EXT1: variants seen among roughly 807,000 people sequenced by gnomAD.
The protein encoded by EXT1 is exostosin-1.
EXT1 carries 20 observed loss-of-function variants against 82.5 expected under a neutral mutation model. That is an observed-to-expected ratio of 0.24 (90% CI 0.17 to 0.35). EXT1 has a LOEUF of 0.35. Ranked by LOEUF, EXT1 falls within the 10% of genes least tolerant of loss-of-function variation. The probability of loss-of-function intolerance (pLI) is 1.00; values close to 1 mark genes in which losing one functional copy is unlikely to be tolerated. For synonymous variants in EXT1, 348 were observed against 350.8 expected (o/e 0.99, Z 0.09); for missense variants, 757 against 936.5 (o/e 0.81, Z 2.50).
At chr8:117,961,764 G>C (rs889026610) in intron 1 of EXT1, among the ~76,000 whole-genome samples, 1 of 152,200 alleles carries the variant, frequency 6.6e-6, no homozygotes, top group Non-Finnish European at 1.5e-5. Flanking sequence ...AACTTCAGGT[G>C]CTTACAACAT....
chr8:117,935,107 T>A (rs1399391069), intron 1 of EXT1, among the ~76,000 whole-genome samples: 1 of 152,102 alleles, frequency 6.6e-6, no homozygotes, highest in Non-Finnish European at 1.5e-5. Flanking sequence ...TGAGGACATA[T>A]ACATCTCCTA....
chr8:117,849,187 C>T (rs1337276683), intron 1 of EXT1, among the ~76,000 whole-genome samples: 3 of 152,208 alleles, frequency 2.0e-5, no homozygotes, highest in Non-Finnish European at 4.4e-5. Flanking sequence ...CAGCACAGAC[C>T]AACCTGTGCT....
intron 1 of EXT1, among the ~76,000 whole-genome samples, chr8:117,892,702 T>C (rs1349469498): frequency 6.6e-6 from 1 of 152,170 alleles, no homozygotes; most frequent in South Asian, 2.1e-4. Context: ...AGAGAGGCTA[T>C]TGCCATGGTC....
chr8:118,053,234 T>C (rs1280021858), intron 1 of EXT1, among the ~76,000 whole-genome samples: 6 of 151,832 alleles, frequency 4.0e-5, no homozygotes, highest in Admixed American at 1.3e-4. Context: ...GAAATGGAGG[T>C]CGGTTCTAAG....
At chr8:118,038,695 G>T (rs1431711691) in intron 1 of EXT1, among the ~76,000 whole-genome samples, 8 of 152,176 alleles carry the variant, frequency 5.3e-5, no homozygotes, top group African/African-American at 1.9e-4. Context: ...TCTCCCATTT[G>T]CTGAGAGAAA....
chr8:118,015,308 A>G (rs895549325), intron 1 of EXT1, among the ~76,000 whole-genome samples: 1 of 152,200 alleles, frequency 6.6e-6, no homozygotes, highest in African/African-American at 2.4e-5. Flanking sequence ...GAGAGGGGGT[A>G]ATGTTTAACC....
At chr8:117,848,893 C>G (rs1032009951) in intron 1 of EXT1, among the ~76,000 whole-genome samples, 4 of 152,190 alleles carry the variant, frequency 2.6e-5, no homozygotes, top group Admixed American at 6.5e-5. Flanking sequence ...GTCACCCCCC[C>G]AGTCTGAACA....
intron 1 of EXT1, among the ~76,000 whole-genome samples, chr8:117,965,066 T>C (rs1360925889): frequency 1.3e-5 from 2 of 152,172 alleles, no homozygotes; most frequent in Non-Finnish European, 2.9e-5. Context: ...CAGAAATAAA[T>C]GATTTAACTA....
chr8:117,820,789 C>T (rs17450500), intron 5 of EXT1, among the ~76,000 whole-genome samples: 1 of 152,170 alleles, frequency 6.6e-6, no homozygotes, highest in East Asian at 1.9e-4. Flanking sequence ...CTACCATTAT[C>T]ATCACCCTCA....
chr8:117,846,454 C>T (rs1812363473), intron 1 of EXT1, among the ~76,000 whole-genome samples: 1 of 152,162 alleles, frequency 6.6e-6, no homozygotes, highest in South Asian at 2.1e-4. Context: ...AAACTCTTCT[C>T]AGAGAAATGC....
At chr8:118,066,381 A>G (rs1197445577) in intron 1 of EXT1, among the ~76,000 whole-genome samples, 1 of 124,818 alleles carries the variant, frequency 8.0e-6, no homozygotes, top group Non-Finnish European at 1.7e-5. Context: ...TATTTATTAG[A>G]CAGAGTCTCA....
At position 118,111,700 on chromosome 8, in the gene EXT1, CGGCGGCGGCGGCGGCGCTGGGT is replaced by C. The variant is rs928631288; in HGVS notation, c.-676_-655del. 1.8e-4 allele frequency: 28 copies of C among 157,578 alleles called. No individual in the cohort carries two copies. Among genetic ancestry groups the C allele is most frequent in the African/African-American group, 5.6e-4 (23 of 41,300 alleles). 9.8% of individuals were successfully genotyped at this position (157,578 alleles called of 1,614,324 possible). ...GGACGCGCGGCGGCCCGGCTGGAGG[CGGCGGCGGCGGCGGCGCTGGGT>C]GGCGGCGGCGGCGCGTCCTCCCCGC... On this transcript the variant is annotated 5_prime_UTR_variant, in exon 1 of 11. Coordinates refer to ENST00000378204, the MANE Select transcript of EXT1 (RefSeq NM_000127.3).
chr8:117,814,720 C>G (rs1347130221), intron 7 of EXT1, among the ~76,000 whole-genome samples: 2 of 152,148 alleles, frequency 1.3e-5, no homozygotes, highest in East Asian at 3.9e-4. Context: ...CACCTGCCAT[C>G]AACTTTGAAG....
Position 117,796,447 on chromosome 8 carries a change from T to A in EXT1, c.*3265A>T, listed in dbSNP as rs1207991043. ...CCTGATTAAAGTTCAGTAACCTTTA[T>A]GAAAGGCCACCAGCATAATACTCTT... On this transcript the variant is annotated 3_prime_UTR_variant, in exon 11 of 11. Coordinates refer to ENST00000378204, the MANE Select transcript of EXT1 (RefSeq NM_000127.3). The A allele has an allele frequency of 1.3e-5, 2 of 152,050 alleles. No homozygotes were observed. The highest frequency in any genetic ancestry group is 2.4e-5 in the African/African-American group (1 of 41,398). The allele number at this position is 152,050 out of a possible 1,614,324, so 9.4% of individuals were successfully genotyped here.
chr8:117,986,036 T>A (rs1250331445), intron 1 of EXT1, among the ~76,000 whole-genome samples: 1 of 152,188 alleles, frequency 6.6e-6, no homozygotes, highest in Non-Finnish European at 1.5e-5. Context: ...TTTTTTTTAC[T>A]AAGGAAAGCG....
chr8:117,994,864 C>A lies in EXT1; in HGVS notation c.962+115221G>T, dbSNP rs1815504051. 2.0e-5 allele frequency among the ~76,000 whole-genome samples: 3 copies of A among 152,194 alleles called. No individual in the cohort carries two copies. The South Asian group carries it at 6.2e-4, about 32-fold the overall frequency. ...TTTTTCTACCAGTGTAATAAGAACA[C>A]CCAGCAGACGGTCTGAATCCTAAAT... On this transcript the variant is annotated intron_variant, in intron 1 of 10. Transcript: ENST00000378204.
intron 1 of EXT1, among the ~76,000 whole-genome samples, chr8:117,838,515 G>A (rs914790715): frequency 6.6e-6 from 1 of 152,068 alleles, no homozygotes; most frequent in Non-Finnish European, 1.5e-5. Flanking sequence ...AAAGGTCACC[G>A]TGAATGGATT....
chr8:117,840,535 C>T (rs1486690729), intron 1 of EXT1, among the ~76,000 whole-genome samples: 1 of 151,474 alleles, frequency 6.6e-6, no homozygotes, highest in Non-Finnish European at 1.5e-5. Flanking sequence ...TCACTTGAAA[C>T]TGGGAGGTGG....
intron 1 of EXT1, among the ~76,000 whole-genome samples, chr8:118,106,888 A>G (rs1420321262): frequency 6.6e-6 from 1 of 152,250 alleles, no homozygotes; most frequent in African/African-American, 2.4e-5. Context: ...AAAAATAATT[A>G]CAGCTATCAT....
Sources: gnomAD v4.1 joint callset for allele counts (sites outside exome capture counted in the v4.1 genomes callset) on GRCh38, gnomAD v4.1.1 for gene constraint, MANE v1.5 for transcripts, NCBI Gene and HGNC (gene_info 2026-07-23, HGNC 2026-07-21) for gene names.